ZNF599: variants seen among roughly 807,000 people sequenced by gnomAD.
The protein encoded by ZNF599 is zinc finger protein 599.
In ZNF599, 10 loss-of-function variants were observed where a neutral mutation model predicts 11.7. The ratio of observed to expected loss-of-function variants is 0.86; its 90% confidence interval spans 0.53 to 1.45. The LOEUF (loss-of-function observed/expected upper bound fraction) is 1.45. Among genes scored for constraint, ZNF599 ranks in the 40% most tolerant of loss-of-function variants. ZNF599 has a pLI of 0.00. For synonymous variants in ZNF599, 232 were observed against 253.2 expected (o/e 0.92, Z 0.79); for missense variants, 688 against 713.6 (o/e 0.96, Z 0.41).
intron 1 of ZNF599, among the ~76,000 whole-genome samples, chr19:34,770,329 C>T (rs1189609049): frequency 6.6e-6 from 1 of 152,262 alleles, no homozygotes; most frequent in Non-Finnish European, 1.5e-5. Context: ...GGTGTAACCC[C>T]TGTACTCCTC....
At chr19:34,789,149 A>G in the ZNF599 span, among the ~76,000 whole-genome samples, 2 of 152,162 alleles carry the variant, frequency 1.3e-5, no homozygotes, top group African/African-American at 4.8e-5. Flanking sequence ...TAGATTCCTT[A>G]TATGAGATCA....
chr19:34,801,646 T>C, the ZNF599 span, among the ~76,000 whole-genome samples: 1 of 152,252 alleles, frequency 6.6e-6, no homozygotes, highest in Admixed American at 6.5e-5. Context: ...CTTTCCTGAG[T>C]TCACTGCACT....
At chr19:34,802,722 A>G in the ZNF599 span, among the ~76,000 whole-genome samples, 21 of 152,170 alleles carry the variant, frequency 1.4e-4, no homozygotes, top group Admixed American at 2.6e-4. Flanking sequence ...GGACTGGTTC[A>G]TGGTATGATT....
chr19:34,777,769 A>T (rs1282599639), upstream of ZNF599, among the ~76,000 whole-genome samples: 1 of 151,424 alleles, frequency 6.6e-6, no homozygotes, highest in Non-Finnish European at 1.5e-5. Context: ...GGTATCAAAA[A>T]AAGTCAAACT....
At chr19:34,793,861 T>C in the ZNF599 span, among the ~76,000 whole-genome samples, 1 of 152,208 alleles carries the variant, frequency 6.6e-6, no homozygotes, top group Non-Finnish European at 1.5e-5. Flanking sequence ...ATGAGTTTTC[T>C]GAAAAAGGGG....
chr19:34,801,245 C>T, the ZNF599 span, among the ~76,000 whole-genome samples: 1 of 152,236 alleles, frequency 6.6e-6, no homozygotes. Context: ...ATATCTGTTG[C>T]TCCTAAATTC....
chr19:34,772,621 T>C (rs1600160665), intron 1 of ZNF599: 14 of 1,369,276 alleles, frequency 1.0e-5, no homozygotes, highest in Non-Finnish European at 1.3e-5. Flanking sequence ...CAGGGACCTC[T>C]CCTTACAACT....
chr19:34,775,287 A>T (rs984420569), upstream of ZNF599, among the ~76,000 whole-genome samples: 1 of 152,266 alleles, frequency 6.6e-6, no homozygotes, highest in Non-Finnish European at 1.5e-5. Flanking sequence ...ACAAAATGTG[A>T]TATATCCTTA....
rs76647642 is a variant in ZNF599 at position 34,762,447 on chromosome 19, C to T, written c.242-1888G>A. On this transcript the variant is annotated intron_variant, in intron 3 of 3. Coordinates refer to ENST00000329285, the MANE Select transcript of ZNF599 (RefSeq NM_001007248.3). ...ACAGAGCATTATCTAGTAAAATTCT[C>T]CTTTTGCTCATCTTATAATCCAGAA... 5.6e-3 allele frequency among the ~76,000 whole-genome samples: 853 copies of T among 152,226 alleles called. 13 individuals are homozygous for T. Among genetic ancestry groups the T allele is most frequent in the South Asian group, 0.035 (169 of 4,820 alleles).
At chr19:34,786,252 A>C in the ZNF599 span, among the ~76,000 whole-genome samples, 1 of 151,828 alleles carries the variant, frequency 6.6e-6, no homozygotes, top group African/African-American at 2.4e-5. Context: ...ATCCCCCCTT[A>C]CCTCTGACAT....
the ZNF599 span, among the ~76,000 whole-genome samples, chr19:34,795,941 C>T: frequency 2.6e-5 from 4 of 152,310 alleles, no homozygotes; most frequent in East Asian, 7.7e-4. Context: ...CCTGTCTCAG[C>T]CTCCCAAGTA....
the ZNF599 span, chr19:34,791,786 G>A: frequency 3.3e-5 from 5 of 152,200 alleles, no homozygotes; most frequent in Admixed American, 6.5e-5. Flanking sequence ...ACGGAGTTCA[G>A]GGACTCCCAC....
the ZNF599 span, among the ~76,000 whole-genome samples, chr19:34,790,640 G>A: frequency 6.6e-6 from 1 of 152,010 alleles, no homozygotes; most frequent in Non-Finnish European, 1.5e-5. Flanking sequence ...GTTGATCAAT[G>A]GTGCAAAATT....
chr19:34,771,983 T>C (rs1322966445), intron 1 of ZNF599, among the ~76,000 whole-genome samples: 2 of 152,126 alleles, frequency 1.3e-5, no homozygotes, highest in Non-Finnish European at 2.9e-5. Context: ...GAAGAGACCC[T>C]GGAACAAGGT....
At chr19:34,773,655 G>C (rs2069200989), upstream of ZNF599, among the ~76,000 whole-genome samples, 1 of 152,132 alleles carries the variant, frequency 6.6e-6, no homozygotes, top group Non-Finnish European at 1.5e-5. Flanking sequence ...CTGCGAATTT[G>C]TTACCAATGC....
intron 3 of ZNF599, among the ~76,000 whole-genome samples, chr19:34,761,384 T>C (rs988429686): frequency 6.6e-6 from 1 of 152,216 alleles, no homozygotes; most frequent in African/African-American, 2.4e-5. Context: ...CTAAATTCAC[T>C]TCTAAATTCA....
rs1388134172 is a variant in ZNF599 at position 34,760,243 on chromosome 19, T to C, written c.558A>G (p.Pro186=). ...TTGCATCAGTCATGGGGTCTTTTCCTGGTCCTTGAGAGTCACACTCATGGA... is the reference window on the plus strand; with the variant it reads ...TTGCATCAGTCATGGGGTCTTTTCCCGGTCCTTGAGAGTCACACTCATGGA... ...DALHECDSQG[P]GKDPMTDARN... The change falls in exon 4 of 4, where the codon CCA becomes CCG. Residue 186 remains proline (P), a synonymous_variant. Coordinates refer to ENST00000329285, the MANE Select transcript of ZNF599 (RefSeq NM_001007248.3). 1.2e-6 allele frequency: 2 copies of C among 1,614,218 alleles called. No homozygotes were observed. The highest frequency in any genetic ancestry group is 2.2e-5 in the East Asian group (1 of 44,884).
chr19:34,777,604 T>C (rs530184477), upstream of ZNF599, among the ~76,000 whole-genome samples: 1 of 134,932 alleles, frequency 7.4e-6, no homozygotes, highest in African/African-American at 2.8e-5. Flanking sequence ...ATAGGATATA[T>C]ATACTGGATA....
At chr19:34,771,632 T>C (rs1337495695) in intron 1 of ZNF599, among the ~76,000 whole-genome samples, 2 of 152,038 alleles carry the variant, frequency 1.3e-5, no homozygotes, top group Non-Finnish European at 2.9e-5. Context: ...GAGAGAAGAA[T>C]GGCAGGGGGA....
Sources: gnomAD v4.1 joint callset for allele counts (sites outside exome capture counted in the v4.1 genomes callset) on GRCh38, gnomAD v4.1.1 for gene constraint, MANE v1.5 for transcripts, NCBI Gene and HGNC (gene_info 2026-07-23, HGNC 2026-07-21) for gene names.